C4orf50: variants seen among roughly 807,000 people sequenced by gnomAD.
C4orf50 encodes the protein chromosome 4 open reading frame 50, also known as uncharacterized protein C4orf50.
A neutral mutation model predicts 77.2 loss-of-function variants in C4orf50; 80 were observed. The ratio of observed to expected loss-of-function variants is 1.04; its 90% confidence interval spans 0.87 to 1.25. The LOEUF is 1.25. Ranked by LOEUF, C4orf50 falls within the 50% of genes most tolerant of loss-of-function variation. The pLI, the probability that C4orf50 is intolerant of heterozygous loss-of-function variation, is 0.00. For synonymous variants in C4orf50, 532 were observed against 465.3 expected (o/e 1.14, Z -1.84); for missense variants, 1,257 against 1,152.9 (o/e 1.09, Z -1.31).
chr4:5,954,414 A>T (rs552221309), downstream of C4orf50, among the ~76,000 whole-genome samples: 1 of 152,218 alleles, frequency 6.6e-6, no homozygotes, highest in African/African-American at 2.4e-5. This position sits in a 1 kb window ranked among gnomAD's most constrained non-coding sequence, Gnocchi z 4.7. Context: ...GGCCACTCAG[A>T]CAGAGCCATG....
chr4:6,004,452 GTGA>G (rs1722143649), intron 25 of C4orf50, among the ~76,000 whole-genome samples: 6 of 13,756 alleles, frequency 4.4e-4, no homozygotes, highest in African/African-American at 1.6e-3. Context: ...GATGGTAATG[GTGA>G]TGATGGTGAT....
At chr4:5,980,509 A>T (rs563779643) in intron 28 of C4orf50, among the ~76,000 whole-genome samples, 171 bp from the exon 7 acceptor site, 1 of 151,642 alleles carries the variant, frequency 6.6e-6, no homozygotes, top group Non-Finnish European at 1.5e-5. Flanking sequence ...AGCAGAAATC[A>T]CTCCCAATCT....
intron 7 of C4orf50, among the ~76,000 whole-genome samples, chr4:5,944,948 G>A (rs1351513218): frequency 1.3e-5 from 2 of 152,148 alleles, no homozygotes; most frequent in Non-Finnish European, 2.9e-5. Flanking sequence ...ATTCCACACG[G>A]AAAGAAACTG....
At chr4:5,980,183 G>C (rs745340308) in exon 29 of C4orf50, 1 of 1,597,766 alleles carries the variant, frequency 6.3e-7, no homozygotes, top group African/African-American at 1.3e-5. Context: ...CCTTGGCCTG[G>C]AGCTCCTCCT....
chr4:5,955,886 GCAGGGTTGGGGGCCC>G (rs546498710), downstream of C4orf50, among the ~76,000 whole-genome samples: 9 of 152,328 alleles, frequency 5.9e-5, no homozygotes, highest in Admixed American at 5.9e-4. This position sits in a 1 kb window ranked among gnomAD's most constrained non-coding sequence, Gnocchi z 5.1. Context: ...GCGGGTGCTG[GCAGGGTTGGGGGCCC>G]CAGGCACCCC....
chr4:5,966,263 G>A (rs912381899), intron 32 of C4orf50, among the ~76,000 whole-genome samples: 1 of 152,144 alleles, frequency 6.6e-6, no homozygotes, highest in African/African-American at 2.4e-5. Context: ...ATCACATGAG[G>A]TCAGGAGTTC....
At chr4:5,975,736 G>A (rs375710877) in intron 30 of C4orf50, among the ~76,000 whole-genome samples, 163 bp downstream of exon 8, 4 of 152,018 alleles carry the variant, frequency 2.6e-5, no homozygotes, top group African/African-American at 4.8e-5. Flanking sequence ...CAATCCACCC[G>A]CCTCAGCCTC....
intron 33 of C4orf50, among the ~76,000 whole-genome samples, chr4:5,963,795 G>C (rs1398297179): frequency 6.6e-6 from 1 of 152,196 alleles, no homozygotes; most frequent in Non-Finnish European, 1.5e-5. Flanking sequence ...AACAGTAGGA[G>C]GCAGGCAGCC....
chr4:6,013,246 C>G (rs993595086), intron 23 of C4orf50, among the ~76,000 whole-genome samples: 4 of 152,202 alleles, frequency 2.6e-5, no homozygotes, highest in African/African-American at 9.7e-5. Flanking sequence ...AGTGTGCTCT[C>G]TCGTGAGGAT....
At chr4:5,946,789 C>G (rs1367218277) in intron 7 of C4orf50, among the ~76,000 whole-genome samples, 1 of 152,268 alleles carries the variant, frequency 6.6e-6, no homozygotes, top group Non-Finnish European at 1.5e-5. Context: ...ATAAAAATTG[C>G]TTCCCTCCTT....
At chr4:5,965,259 C>T in intron 32 of C4orf50, 114 bp from the exon 11 acceptor site, 2 of 1,154,696 alleles carry the variant, frequency 1.7e-6, no homozygotes, top group Non-Finnish European at 2.4e-6. Flanking sequence ...CAGATCATTC[C>T]CAGTTTCCAT....
At chr4:5,952,903 G>T (rs999002067), downstream of C4orf50, among the ~76,000 whole-genome samples, 1 of 152,166 alleles carries the variant, frequency 6.6e-6, no homozygotes, top group South Asian at 2.1e-4. The surrounding 1 kb of genome is among the most constrained non-coding windows in gnomAD (Gnocchi z 4.4). Flanking sequence ...ATTCCCTATC[G>T]TAAGTTTTGG....
rs747698848 is a variant in C4orf50 at position 5,932,313 on chromosome 4, C to T, written c.*2474+24588G>A. Among the ~76,000 whole-genome samples, 6 of 152,158 alleles carry T rather than the reference C, an allele frequency of 3.9e-5. No individual in the cohort carries two copies. Among genetic ancestry groups the T allele is most frequent in the Non-Finnish European group, 5.9e-5 (4 of 68,034 alleles). ...GCACATGAGTAGCGAGGCTGGGCTC[C>T]GTAAAGAATCCAGCCATCAAAGAGG... On this transcript the variant is annotated intron_variant, in intron 7 of 7. Transcript: ENST00000324058. The surrounding 1 kb of genome is among the most constrained non-coding windows in gnomAD (Gnocchi z 4.2).
At chr4:5,915,855 G>A (rs1441381467) in intron 7 of C4orf50, among the ~76,000 whole-genome samples, 1 of 152,190 alleles carries the variant, frequency 6.6e-6, no homozygotes, top group South Asian at 2.1e-4. Flanking sequence ...GCTCAATCCA[G>A]GTTACTTCCC....
At chr4:6,005,879 C>T (rs1342303577) in intron 25 of C4orf50, among the ~76,000 whole-genome samples, 13 of 152,102 alleles carry the variant, frequency 8.5e-5, no homozygotes, top group African/African-American at 2.4e-4. Flanking sequence ...TGCAGTTCCC[C>T]GGGGCCACTG....
intron 7 of C4orf50, among the ~76,000 whole-genome samples, chr4:5,918,596 G>T (rs1050424879): frequency 6.6e-6 from 1 of 152,198 alleles, no homozygotes; most frequent in African/African-American, 2.4e-5. Flanking sequence ...CTCACCTTGC[G>T]AATTTCAGAA....
At chr4:5,980,220 G>T (rs754086301) in exon 29 of C4orf50, 2 of 1,609,714 alleles carry the variant, frequency 1.2e-6, no homozygotes, top group Non-Finnish European at 1.7e-6. Flanking sequence ...GTCCAGAGAC[G>T]CCTGGTGGGC....
chr4:5,974,515 C>T (rs1236875658), intron 30 of C4orf50, among the ~76,000 whole-genome samples: 6 of 152,148 alleles, frequency 3.9e-5, no homozygotes, highest in Admixed American at 6.5e-5. Flanking sequence ...CTGTCTGGCT[C>T]ATGTTTCTGA....
Position 5,968,133 on chromosome 4 carries a change from G to A in C4orf50, c.4105-671C>T, listed in dbSNP as rs7671339. 5.4e-3 allele frequency among the ~76,000 whole-genome samples: 815 copies of A among 152,298 alleles called. 9 individuals are homozygous for A. Among genetic ancestry groups the A allele is most frequent in the African/African-American group, 0.019 (773 of 41,566 alleles). On this transcript the variant is annotated intron_variant, in intron 31 of 33. Coordinates refer to ENST00000531445, the Ensembl canonical transcript of C4orf50. The stretch of plus-strand genomic sequence containing the variant: ...TCCTGTCTCCACTTCCAACATCCTG[G>A]TCATGCTCTTCCTCCAGGTATAGGA...
Sources: allele counts gnomAD v4.1 joint callset (sites outside exome capture counted in the v4.1 genomes callset), GRCh38; gene constraint gnomAD v4.1.1; non-coding constraint Gnocchi (gnomAD v3.1); transcripts MANE v1.5; gene names NCBI Gene and HGNC (gene_info 2026-07-23, HGNC 2026-07-21).